Variants in FBXL17 observed in about 807,000 individuals in gnomAD.
FBXL17 encodes F-box and leucine rich repeat protein 17.
FBXL17 carries 22 observed loss-of-function variants against 66.2 expected under a neutral mutation model. The observed-to-expected ratio is 0.33, with a 90% confidence interval of 0.24 to 0.47. The LOEUF is 0.47. Ranked by LOEUF, FBXL17 falls within the 20% of genes least tolerant of loss-of-function variation. The probability of loss-of-function intolerance (pLI) is 1.00; values close to 1 mark genes in which losing one functional copy is unlikely to be tolerated. For missense variants in FBXL17, 878 were observed against 948.2 expected (o/e 0.93, Z 0.97); for synonymous variants, 474 against 400.5 (o/e 1.18, Z -2.19).
chr5:108,370,460 A>C (rs1748955834), intron 1 of FBXL17, among the ~76,000 whole-genome samples: 1 of 152,124 alleles, frequency 6.6e-6, no homozygotes, highest in African/African-American at 2.4e-5. Context: ...ATATCATAAA[A>C]GTGGCAGGGC....
At chr5:108,169,831 T>C (rs17161106) in intron 6 of FBXL17, among the ~76,000 whole-genome samples, 3,190 of 152,274 alleles carry the variant, frequency 0.021, 122 homozygotes, top group African/African-American at 0.073. Flanking sequence ...TAGGCTTATA[T>C]TCACTAGGTT....
chr5:107,965,120 G>GTAAGTACA (rs1222040085), intron 7 of FBXL17, among the ~76,000 whole-genome samples: 1 of 152,056 alleles, frequency 6.6e-6, no homozygotes, highest in Non-Finnish European at 1.5e-5. Context: ...TGCACAATGG[G>GTAAGTACA]TAAGTACATA....
intron 6 of FBXL17, among the ~76,000 whole-genome samples, chr5:108,064,076 A>AT (rs1748026335): frequency 6.6e-6 from 1 of 152,170 alleles, no homozygotes; most frequent in South Asian, 2.1e-4. Flanking sequence ...AATACTGTTT[A>AT]AATATTCATA....
intron 6 of FBXL17, among the ~76,000 whole-genome samples, chr5:108,077,685 A>C (rs934996346): frequency 1.3e-5 from 2 of 152,100 alleles, no homozygotes; most frequent in African/African-American, 4.8e-5. Context: ...AAATGAAAAA[A>C]ATGAAAATGA....
intron 6 of FBXL17, among the ~76,000 whole-genome samples, chr5:108,178,847 A>C (rs1200507415): frequency 6.6e-6 from 1 of 152,062 alleles, no homozygotes; most frequent in African/African-American, 2.4e-5. Context: ...CACACTCAAT[A>C]CTCCAAGGTG....
chr5:108,305,779 G>A (rs1758808222), intron 4 of FBXL17, among the ~76,000 whole-genome samples: 1 of 152,106 alleles, frequency 6.6e-6, no homozygotes, highest in Non-Finnish European at 1.5e-5. Context: ...TCAGAACACT[G>A]TTAGGTAGTC....
intron 6 of FBXL17, among the ~76,000 whole-genome samples, chr5:108,139,077 A>T (rs1001122415): frequency 6.6e-6 from 1 of 152,222 alleles, no homozygotes; most frequent in African/African-American, 2.4e-5. Flanking sequence ...ATCTAACTGA[A>T]ATAAGAATAT....
At chr5:108,312,452 A>T (rs1759169718) in intron 4 of FBXL17, among the ~76,000 whole-genome samples, 1 of 152,144 alleles carries the variant, frequency 6.6e-6, no homozygotes, top group African/African-American at 2.4e-5. Context: ...CAGCCCCAAT[A>T]GTAGGGAGAG....
In FBXL17 at chr5:108,154,450, C is replaced by T. The variant is rs567993061; in HGVS notation, c.1745+31667G>A. Among the ~76,000 whole-genome samples, 21 of 150,870 alleles carry T rather than the reference C, an allele frequency of 1.4e-4. No individual in the cohort carries two copies. The South Asian group carries it at 1.5e-3, about 11-fold the overall frequency. On this transcript the variant is annotated intron_variant, in intron 6 of 8. Coordinates refer to ENST00000542267, the MANE Select transcript of FBXL17 (RefSeq NM_001163315.3). ...TACTAAAAACACAAAATTAGCTGGGCGTGGTGGTGTATGCCTGTAATCCCA... is the reference window on the plus strand; with the variant it reads ...TACTAAAAACACAAAATTAGCTGGGTGTGGTGGTGTATGCCTGTAATCCCA...
chr5:107,997,330 C>T (rs981417233), intron 7 of FBXL17, among the ~76,000 whole-genome samples: 1 of 152,140 alleles, frequency 6.6e-6, no homozygotes, highest in Non-Finnish European at 1.5e-5. Flanking sequence ...TCCATCCTAA[C>T]TTATATGTAA....
chr5:108,178,601 A>G (rs1752885424), intron 6 of FBXL17, among the ~76,000 whole-genome samples: 1 of 152,224 alleles, frequency 6.6e-6, no homozygotes, highest in African/African-American at 2.4e-5. Flanking sequence ...GACAATACAC[A>G]AAACTATTCA....
chr5:108,071,958 G>A (rs1316022982), intron 6 of FBXL17, among the ~76,000 whole-genome samples: 3 of 152,178 alleles, frequency 2.0e-5, no homozygotes, highest in African/African-American at 7.2e-5. Flanking sequence ...TCATGAAACT[G>A]TCTTCTCTGC....
At chr5:108,236,223 G>A (rs5005385) in intron 4 of FBXL17, among the ~76,000 whole-genome samples, 113,565 of 151,454 alleles carry the variant, frequency 0.75, 42,882 homozygotes, top group East Asian at 0.93. Flanking sequence ...AAAAAAACAA[G>A]CAAACAGGCC....
intron 6 of FBXL17, among the ~76,000 whole-genome samples, chr5:108,154,482 C>T (rs1184293297): frequency 1.3e-5 from 2 of 148,678 alleles, no homozygotes; most frequent in Non-Finnish European, 3.0e-5. Context: ...CCCAGCTACT[C>T]GGGAGTCTGA....
intron 6 of FBXL17, among the ~76,000 whole-genome samples, chr5:108,055,758 T>C (rs1416694594): frequency 1.3e-5 from 2 of 152,058 alleles, no homozygotes; most frequent in African/African-American, 4.8e-5. Flanking sequence ...AAATTATCTT[T>C]TGTTATTCTT....
intron 4 of FBXL17, among the ~76,000 whole-genome samples, chr5:108,340,164 G>C (rs1161452054): frequency 6.7e-6 from 1 of 149,718 alleles, no homozygotes; most frequent in African/African-American, 2.5e-5. Flanking sequence ...GATACCAATA[G>C]ACTAAAAAGA....
At chr5:107,895,391 CATG>C (rs1411539277) in intron 7 of FBXL17, among the ~76,000 whole-genome samples, 1 of 152,106 alleles carries the variant, frequency 6.6e-6, no homozygotes, top group Non-Finnish European at 1.5e-5. Flanking sequence ...CTAAGTCCAA[CATG>C]ATTTCTTACC....
At chr5:107,886,369 T>C (rs1387031361) in intron 7 of FBXL17, among the ~76,000 whole-genome samples, 1 of 152,142 alleles carries the variant, frequency 6.6e-6, no homozygotes, top group Admixed American at 6.6e-5. Flanking sequence ...TACATACATC[T>C]ATTTCTTAGC....
Position 107,870,209 on chromosome 5 carries a change from G to C in FBXL17, c.1966-8349C>G, listed in dbSNP as rs114399934. Among the ~76,000 whole-genome samples, 1,125 of 152,280 alleles carry C rather than the reference G, an allele frequency of 7.4e-3. 13 individuals carry two copies. The highest frequency in any genetic ancestry group is 0.026 in the African/African-American group (1,065 of 41,550). ...CTCCTAGAAGGCACAGGTGATTTCT[G>C]TTCTTGGGGATCTGAAGGCAAGGTC... On this transcript the variant is annotated intron_variant, in intron 8 of 8. Coordinates refer to ENST00000542267, the MANE Select transcript of FBXL17 (RefSeq NM_001163315.3).
Sources: gnomAD v4.1 joint callset for allele counts (sites outside exome capture counted in the v4.1 genomes callset) on GRCh38, gnomAD v4.1.1 for gene constraint, MANE v1.5 for transcripts, NCBI Gene and HGNC (gene_info 2026-07-23, HGNC 2026-07-21) for gene names.